ST6GALNAC3: variants seen among roughly 807,000 people sequenced by gnomAD.
ST6GALNAC3 encodes the protein ST6 N-acetylgalactosaminide alpha-2,6-sialyltransferase 3, also known as alpha-N-acetylgalactosaminide alpha-2,6-sialyltransferase 3.
A neutral mutation model predicts 32.7 loss-of-function variants in ST6GALNAC3; 25 were observed. The ratio of observed to expected loss-of-function variants is 0.76; its 90% CI spans 0.56 to 1.07. The LOEUF is 1.07. ST6GALNAC3 is among the 50% of genes least tolerant of loss of function. The pLI is 0.00. For missense variants in ST6GALNAC3, 355 were observed against 382.4 expected (o/e 0.93, Z 0.60); for synonymous variants, 129 against 133.1 (o/e 0.97, Z 0.21).
chr1:76,613,074 A>G (rs1648041291), intron 3 of ST6GALNAC3, among the ~76,000 whole-genome samples: 1 of 152,176 alleles, frequency 6.6e-6, no homozygotes, highest in African/African-American at 2.4e-5. Flanking sequence ...ACGACTTGAG[A>G]CAGTAGCTGC....
chr1:76,607,567 A>G (rs1647642616), intron 3 of ST6GALNAC3, among the ~76,000 whole-genome samples: 1 of 152,202 alleles, frequency 6.6e-6, no homozygotes, highest in Admixed American at 6.5e-5. Flanking sequence ...GACTAAGGCC[A>G]AATATTGTAA....
intron 2 of ST6GALNAC3, among the ~76,000 whole-genome samples, chr1:76,318,411 G>A (rs1232527913): frequency 6.6e-6 from 1 of 152,130 alleles, no homozygotes; most frequent in Non-Finnish European, 1.5e-5. Flanking sequence ...GAAGAAAAAT[G>A]AGTGCCAACT....
intron 1 of ST6GALNAC3, among the ~76,000 whole-genome samples, chr1:76,119,958 G>A (rs17098119): frequency 0.21 from 32,379 of 152,154 alleles, 4,448 homozygotes; most frequent in African/African-American, 0.38. Context: ...AGATTCTGTG[G>A]GCACAGGCCT....
chr1:76,150,952 A>G (rs1651002536), intron 1 of ST6GALNAC3, among the ~76,000 whole-genome samples: 1 of 152,122 alleles, frequency 6.6e-6, no homozygotes, highest in Admixed American at 6.5e-5. Flanking sequence ...CCAGGCTGTA[A>G]TTCTGACATT....
intron 1 of ST6GALNAC3, among the ~76,000 whole-genome samples, chr1:76,104,507 C>G (rs2100783910): frequency 1.3e-5 from 2 of 152,084 alleles, no homozygotes; most frequent in South Asian, 4.2e-4. Context: ...AAACACAAAT[C>G]TTTATTTCCT....
intron 3 of ST6GALNAC3, among the ~76,000 whole-genome samples, chr1:76,626,970 C>T (rs1325280821): frequency 6.6e-6 from 1 of 151,882 alleles, no homozygotes; most frequent in Non-Finnish European, 1.5e-5. Context: ...AAGTTATTCA[C>T]ATACACTGCA....
chr1:76,510,156 C>T lies in ST6GALNAC3; in HGVS notation c.623+97739C>T, dbSNP rs1433832497. Among the ~76,000 whole-genome samples, 4 of 152,278 alleles carry T rather than the reference C, an allele frequency of 2.6e-5. No individual in the cohort carries two copies. The East Asian group carries it at 7.7e-4, about 29-fold the overall frequency. On this transcript the variant is annotated intron_variant, in intron 3 of 4. Transcript: ENST00000328299. ...CTGATGAAATCAAAGGCTTGGATGGCATAGCTTTTCCCTGTTAGAGTAAGT... is the reference window on the plus strand; with the variant it reads ...CTGATGAAATCAAAGGCTTGGATGGTATAGCTTTTCCCTGTTAGAGTAAGT...
chr1:76,417,761 GCTGTTAAAGGA>G (rs113751129), intron 3 of ST6GALNAC3, among the ~76,000 whole-genome samples: 2,097 of 152,238 alleles, frequency 0.014, 46 homozygotes, highest in African/African-American at 0.048. Context: ...CTAATTCTGG[GCTGTTAAAGGA>G]CTCTGAGCTG....
At chr1:76,127,195 C>G (rs1570092222) in intron 1 of ST6GALNAC3, among the ~76,000 whole-genome samples, 1 of 152,120 alleles carries the variant, frequency 6.6e-6, no homozygotes, top group African/African-American at 2.4e-5. Flanking sequence ...CCTCATGGAG[C>G]CAAAGCAGCA....
chr1:76,156,601 C>T (rs371955), intron 1 of ST6GALNAC3, among the ~76,000 whole-genome samples: 19,508 of 151,888 alleles, frequency 0.13, 1,614 homozygotes, highest in Non-Finnish European at 0.18. Context: ...CTTTGACACA[C>T]CCCCATCATT....
At chr1:76,591,708 A>G (rs1647051105) in intron 3 of ST6GALNAC3, among the ~76,000 whole-genome samples, 1 of 152,116 alleles carries the variant, frequency 6.6e-6, no homozygotes. Flanking sequence ...GTGAGGTAAT[A>G]AATTCTTGTA....
chr1:76,167,952 G>C (rs935753199), intron 1 of ST6GALNAC3, among the ~76,000 whole-genome samples: 2 of 151,494 alleles, frequency 1.3e-5, no homozygotes, highest in African/African-American at 4.8e-5. Flanking sequence ...TGGATTCATT[G>C]GTCTTTTGAA....
intron 2 of ST6GALNAC3, among the ~76,000 whole-genome samples, chr1:76,394,966 A>G (rs955397052): frequency 9.2e-5 from 14 of 151,724 alleles, no homozygotes; most frequent in Non-Finnish European, 1.8e-4. Context: ...AAACAAAAAA[A>G]GGTTTGTTTA....
At chr1:76,294,422 C>T (rs904359274) in intron 1 of ST6GALNAC3, among the ~76,000 whole-genome samples, 1 of 151,452 alleles carries the variant, frequency 6.6e-6, no homozygotes, top group Non-Finnish European at 1.5e-5. Flanking sequence ...AAATGTAAAC[C>T]TCACTATTGT....
rs61475107 is a variant in ST6GALNAC3 at position 76,239,121 on chromosome 1, T to C, written c.19-74684T>C. ...CCTGGAGTCCTGGGGGAGCCTCTTG[T>C]CCTTTTCGCTTCTCTAGCCTCCTTG... is the stretch of plus-strand genomic sequence containing the variant. On this transcript the variant is annotated intron_variant, in intron 1 of 4. Coordinates refer to ENST00000328299, the MANE Select transcript of ST6GALNAC3 (RefSeq NM_152996.4). Among the ~76,000 whole-genome samples the C allele has an allele frequency of 7.9e-3, 1,204 of 152,052 alleles. 16 individuals carry two copies. The highest frequency in any genetic ancestry group is 0.028 in the African/African-American group (1,146 of 41,388).
rs547828530 is a variant in ST6GALNAC3 at position 76,348,809 on chromosome 1, G to A, written c.213+34810G>A. On this transcript the variant is annotated intron_variant, in intron 2 of 4. Transcript: ENST00000328299. ...TTCATTCATTAAATCAATGTTGAGC[G>A]TCTAACAATGTGCCAGCCACTCTGG... 6.4e-4 allele frequency among the ~76,000 whole-genome samples: 98 copies of A among 152,170 alleles called. 2 individuals carry two copies. In the South Asian group the frequency reaches 0.014, roughly 21 times the overall value.
chr1:76,082,597 T>C (rs557467826), intron 1 of ST6GALNAC3, among the ~76,000 whole-genome samples: 13 of 152,342 alleles, frequency 8.5e-5, no homozygotes, highest in African/African-American at 2.4e-4. Flanking sequence ...GACTAGGCTC[T>C]GGTTCTGACT....
At chr1:76,439,087 C>G (rs1032603601) in intron 3 of ST6GALNAC3, among the ~76,000 whole-genome samples, 1 of 152,210 alleles carries the variant, frequency 6.6e-6, no homozygotes, top group Admixed American at 6.5e-5. Context: ...TGCTGCATAC[C>G]TTTCTTGAAG....
In ST6GALNAC3 at chr1:76,509,780, A is replaced by G. The variant is rs1661722586; in HGVS notation, c.623+97363A>G. Among the ~76,000 whole-genome samples the G allele has an allele frequency of 6.6e-6, 1 of 152,136 alleles. No homozygotes were observed. Among genetic ancestry groups the G allele is most frequent in the Non-Finnish European group, 1.5e-5 (1 of 68,008 alleles). On this transcript the variant is annotated intron_variant, in intron 3 of 4. Coordinates refer to ENST00000328299, the MANE Select transcript of ST6GALNAC3 (RefSeq NM_152996.4). This position sits in a 1 kb window ranked among gnomAD's most constrained non-coding sequence, Gnocchi z 5.5. ...CCCCACTCCACCAATTTCTGCTTCCATTCTCACATATCTTTTCCTCACATT... is the reference window on the plus strand; with the variant it reads ...CCCCACTCCACCAATTTCTGCTTCCGTTCTCACATATCTTTTCCTCACATT...
Sources: allele counts gnomAD v4.1 joint callset (sites outside exome capture counted in the v4.1 genomes callset), GRCh38; gene constraint gnomAD v4.1.1; non-coding constraint Gnocchi (gnomAD v3.1); transcripts MANE v1.5; gene names NCBI Gene and HGNC (gene_info 2026-07-23, HGNC 2026-07-21).